The following ARHGEF18 variants were observed in gnomAD, a reference collection of about 807,000 sequenced individuals.
ARHGEF18 encodes the protein rho guanine nucleotide exchange factor 18.
Under a neutral mutation model 155.7 loss-of-function variants are expected in ARHGEF18, and 93 were observed. That is an observed-to-expected ratio of 0.60 (90% confidence interval 0.50 to 0.71). ARHGEF18 has a LOEUF of 0.71. Ranked by LOEUF, ARHGEF18 falls within the 30% of genes least tolerant of loss-of-function variation. The pLI, the probability that ARHGEF18 is intolerant of heterozygous loss-of-function variation, is 0.00. For synonymous variants in ARHGEF18, 742 were observed against 753.1 expected (o/e 0.99, Z 0.24); for missense variants, 1,593 against 1,816.1 (o/e 0.88, Z 2.23).
At chr19:7,429,696 GC>G (rs201232475) in intron 10 of ARHGEF18, among the ~76,000 whole-genome samples, 1,596 of 152,212 alleles carry the variant, frequency 0.01, 38 homozygotes, top group African/African-American at 0.036. Flanking sequence ...TCCCACAGAC[GC>G]CCCCCAAGCT....
chr19:7,479,821 G>C, the ARHGEF18 span, among the ~76,000 whole-genome samples: 1 of 152,218 alleles, frequency 6.6e-6, no homozygotes, highest in African/African-American at 2.4e-5. Flanking sequence ...TACTCACTTG[G>C]GGTGATGATG....
In ARHGEF18 at chr19:7,375,621, G is replaced by A. The variant is rs1404064154; in HGVS notation, c.276-99G>A. On this transcript the variant is annotated intron_variant, in intron 3 of 28. Coordinates refer to ENST00000668164, the MANE Select transcript of ARHGEF18 (RefSeq NM_001367823.1). ...TGCGCACCCTTCCTTGTCCTGGAAGGGCCCCCTTGCATGTTCTTTCAAGCC... is the reference window on the plus strand; with the variant it reads ...TGCGCACCCTTCCTTGTCCTGGAAGAGCCCCCTTGCATGTTCTTTCAAGCC... 5 of 1,163,338 alleles carry A rather than the reference G, an allele frequency of 4.3e-6. No individual in the cohort carries two copies. In the African/African-American group the frequency reaches 6.4e-5, roughly 15 times the overall value. 72.1% of individuals were successfully genotyped at this position (1,163,338 alleles called of 1,614,324 possible).
chr19:7,415,415 C>A (rs1972948001), intron 10 of ARHGEF18, among the ~76,000 whole-genome samples: 1 of 152,092 alleles, frequency 6.6e-6, no homozygotes. Context: ...GGTCCCGGTC[C>A]CCCTGCGTCC....
chr19:7,412,196 C>T (rs567652074), intron 10 of ARHGEF18, among the ~76,000 whole-genome samples: 78 of 151,822 alleles, frequency 5.1e-4, no homozygotes, highest in African/African-American at 1.6e-3. Context: ...CCACCACACC[C>T]GGCTAATTTT....
chr19:7,451,883 A>G (rs1248613928), intron 16 of ARHGEF18, among the ~76,000 whole-genome samples: 4 of 151,970 alleles, frequency 2.6e-5, no homozygotes, highest in African/African-American at 9.7e-5. Context: ...CACCACACCT[A>G]GCTAACTTTG....
chr19:7,468,732 G>A, intron 26 of ARHGEF18, 93 bp from the exon 27 acceptor site: 1 of 1,330,914 alleles, frequency 7.5e-7, no homozygotes, highest in South Asian at 1.5e-5. Context: ...GAACAGGAGA[G>A]GTCGAGGGTC....
intron 2 of ARHGEF18, among the ~76,000 whole-genome samples, chr19:7,367,332 G>A (rs970625191): frequency 5.9e-5 from 9 of 152,084 alleles, no homozygotes; most frequent in Non-Finnish European, 7.3e-5. Context: ...TGTGAGGCAC[G>A]GTGGCTCATG....
Position 7,372,957 on chromosome 19 carries a change from C to T in ARHGEF18, c.161C>T (p.Pro54Leu), listed in dbSNP as rs1478049006. 3 of 1,234,482 alleles carry T rather than the reference C, an allele frequency of 2.4e-6. No individual in the cohort carries two copies. Among genetic ancestry groups the T allele is most frequent in the Non-Finnish European group, 3.0e-6 (3 of 988,336 alleles). The allele number at this position is 1,234,482 out of a possible 1,614,324, so 76.5% of individuals were successfully genotyped here. A position where few individuals can be genotyped will look rare whatever the true frequency, so the allele number is the denominator to read the frequency against. The change falls in exon 3 of 29, where the codon CCC (proline) becomes CTC (leucine). Residue 54 changes from proline to leucine, a missense_variant. By Grantham distance (98) the Pro-to-Leu change is moderately conservative (BLOSUM62 -3). Coordinates refer to ENST00000668164, the MANE Select transcript of ARHGEF18 (RefSeq NM_001367823.1). ...SQPGETPDSR[P>L]TGEEPGRDSL... ...CCTGGGGAGACCCCAGACAGCCGCC[C>T]CACCGGTGAAGAACCAGGAAGAGAT...
At chr19:7,373,480 T>G (rs1970295093) in intron 3 of ARHGEF18, among the ~76,000 whole-genome samples, 1 of 131,708 alleles carries the variant, frequency 7.6e-6, no homozygotes, top group African/African-American at 4.0e-5. Flanking sequence ...TTTTTTTGTT[T>G]TTGTTTTTTT....
downstream of ARHGEF18, chr19:7,472,746 C>T: frequency 2.9e-6 from 1 of 342,592 alleles, no homozygotes; most frequent in Non-Finnish European, 5.8e-6. Flanking sequence ...GTCGCCCAGG[C>T]TGGAGACCAG....
downstream of ARHGEF18, chr19:7,473,231 A>T (rs11880140): frequency 2.2e-6 from 1 of 455,982 alleles, no homozygotes; most frequent in Admixed American, 2.4e-5. Context: ...AGGGTTTCCC[A>T]TCACAAGGGG....
chr19:7,387,405 G>A (rs559830586), intron 10 of ARHGEF18, among the ~76,000 whole-genome samples: 1 of 152,140 alleles, frequency 6.6e-6, no homozygotes, highest in African/African-American at 2.4e-5. Context: ...GCCCGTCTCG[G>A]TCTCCCAAAG....
intron 10 of ARHGEF18, among the ~76,000 whole-genome samples, chr19:7,437,291 G>A (rs1235305750): frequency 6.7e-6 from 1 of 150,252 alleles, no homozygotes; most frequent in Non-Finnish European, 1.5e-5. Context: ...AGCCGGGTGT[G>A]GTGGCACATG....
chr19:7,463,721 C>T lies in ARHGEF18; in HGVS notation c.2636-97C>T. The T allele has an allele frequency of 2.1e-6, 3 of 1,404,542 alleles. No homozygotes were observed. Among genetic ancestry groups the T allele is most frequent in the Non-Finnish European group, 2.9e-6 (3 of 1,051,836 alleles). 87.0% of individuals were successfully genotyped at this position (1,404,542 alleles called of 1,614,324 possible). A position where few individuals can be genotyped will look rare whatever the true frequency, so the allele number is the denominator to read the frequency against. On this transcript the variant is annotated intron_variant, in intron 21 of 28. Coordinates refer to ENST00000668164, the MANE Select transcript of ARHGEF18 (RefSeq NM_001367823.1). The surrounding 1 kb of genome is among the most constrained non-coding windows in gnomAD (Gnocchi z 5.2). ...GCAGGCGATCACCACCCCAGTGAGT[C>T]CCTCCGTCCACCCGGGTCTCGCTGC...
At chr19:7,414,262 G>A (rs1057292761) in intron 10 of ARHGEF18, among the ~76,000 whole-genome samples, 1 of 152,080 alleles carries the variant, frequency 6.6e-6, no homozygotes, top group African/African-American at 2.4e-5. Context: ...CCCTGGTAGA[G>A]AATCGTTGGT....
At chr19:7,475,864 C>T (rs1432591756), downstream of ARHGEF18, among the ~76,000 whole-genome samples, 1 of 152,180 alleles carries the variant, frequency 6.6e-6, no homozygotes, top group African/African-American at 2.4e-5. Context: ...GAGGCCTCTG[C>T]TGAGGGCCAG....
chr19:7,376,558 C>T, intron 4 of ARHGEF18, 85 bp from the exon 5 acceptor site: 2 of 801,204 alleles, frequency 2.5e-6, no homozygotes, highest in Non-Finnish European at 3.4e-6. Flanking sequence ...GTGGCCCTGG[C>T]TGTGGGTTGG....
intron 10 of ARHGEF18, among the ~76,000 whole-genome samples, chr19:7,399,415 G>T (rs956495722): frequency 6.6e-6 from 1 of 152,044 alleles, no homozygotes; most frequent in Non-Finnish European, 1.5e-5. Flanking sequence ...AGTTTCAACT[G>T]AGTATAGAGT....
chr19:7,367,122 C>T (rs1969921599), intron 2 of ARHGEF18, among the ~76,000 whole-genome samples: 1 of 152,244 alleles, frequency 6.6e-6, no homozygotes, highest in East Asian at 1.9e-4. Flanking sequence ...TTTGCATTGC[C>T]CAAGCATCTC....
Sources: gnomAD v4.1 joint callset for allele counts (sites outside exome capture counted in the v4.1 genomes callset) on GRCh38, gnomAD v4.1.1 for gene constraint, Gnocchi (gnomAD v3.1) non-coding constraint, MANE v1.5 for transcripts, NCBI Gene and HGNC (gene_info 2026-07-23, HGNC 2026-07-21) for gene names.